SLC4A8: variants seen among roughly 807,000 people sequenced by gnomAD.
SLC4A8 encodes the protein electroneutral sodium bicarbonate exchanger 1.
In SLC4A8, 40 loss-of-function variants were observed where a neutral mutation model predicts 125.0. The observed-to-expected ratio is 0.32, with a 90% CI of 0.25 to 0.42. The LOEUF (loss-of-function observed/expected upper bound fraction) is 0.42. SLC4A8 is among the 10% of genes least tolerant of loss of function. The pLI is 1.00. For synonymous variants in SLC4A8, 456 were observed against 476.0 expected (o/e 0.96, Z 0.55); for missense variants, 863 against 1,355.1 (o/e 0.64, Z 5.70).
intron 19 of SLC4A8, among the ~76,000 whole-genome samples, chr12:51,490,897 A>G (rs1476879701): frequency 6.6e-6 from 1 of 152,234 alleles, no homozygotes; most frequent in Non-Finnish European, 1.5e-5. Flanking sequence ...AGAAGCAGAC[A>G]GACCAGTGAA....
chr12:51,451,018 C>G lies in SLC4A8; in HGVS notation c.273C>G (p.Ala91=), dbSNP rs1049192192. ...SQGEEGLEAL[A]HDTPSQRVQF... ...GGGAGGAAGGCCTGGAAGCCCTGGCCCACGGTAAGGGCCTTGGGAGACAGG... is the reference window on the plus strand; with the variant it reads ...GGGAGGAAGGCCTGGAAGCCCTGGCGCACGGTAAGGGCCTTGGGAGACAGG... Residue 91 remains alanine (A), a synonymous_variant, in exon 3 of 25, where the codon GCC becomes GCG. Transcript: ENST00000453097. The G allele has an allele frequency of 1.3e-6, 2 of 1,516,186 alleles. No individual in the cohort carries two copies. The highest frequency in any genetic ancestry group is 2.2e-5 in the Admixed American group (1 of 45,334). 93.9% of individuals were successfully genotyped at this position (1,516,186 alleles called of 1,614,324 possible).
In SLC4A8 at chr12:51,424,964, G is replaced by A; in HGVS notation, c.-24G>A. On this transcript the variant is annotated 5_prime_UTR_variant, in exon 1 of 25. Transcript: ENST00000453097. ...GCTGATGCTTGGCTTGGAGCCCGTGGGGGAGACCTAGTTCGGCTCCGCCAT... is the reference window on the plus strand; with the variant it reads ...GCTGATGCTTGGCTTGGAGCCCGTGAGGGAGACCTAGTTCGGCTCCGCCAT... 7 of 1,550,896 alleles carry A rather than the reference G, an allele frequency of 4.5e-6. No individual in the cohort carries two copies. The highest frequency in any genetic ancestry group is 6.1e-6 in the Non-Finnish European group (7 of 1,147,198).
chr12:51,411,248 G>A (rs183117117), intron 1 of SLC4A8, among the ~76,000 whole-genome samples: 1 of 151,692 alleles, frequency 6.6e-6, no homozygotes, highest in East Asian at 1.9e-4. Flanking sequence ...ATGCTCTATT[G>A]CTTTTCAATT....
intron 1 of SLC4A8, among the ~76,000 whole-genome samples, chr12:51,439,848 A>G (rs1949538150): frequency 6.6e-6 from 1 of 152,208 alleles, no homozygotes; most frequent in Non-Finnish European, 1.5e-5. Flanking sequence ...ATTGGTAGGA[A>G]TAAACAAATG....
chr12:51,442,979 G>A (rs1949650209), intron 2 of SLC4A8, among the ~76,000 whole-genome samples: 1 of 151,974 alleles, frequency 6.6e-6, no homozygotes, highest in South Asian at 2.1e-4. Flanking sequence ...AGGTTCTGTG[G>A]CTGCAAAAAA....
intron 22 of SLC4A8, among the ~76,000 whole-genome samples, chr12:51,503,660 A>AT (rs1432185621): frequency 6.6e-5 from 10 of 152,094 alleles, no homozygotes; most frequent in African/African-American, 2.2e-4. Flanking sequence ...TTCCCTTTCC[A>AT]TTTTTTTAAA....
At chr12:51,457,629 T>A (rs1950194887) in intron 6 of SLC4A8, 90 bp downstream of exon 6, 1 of 1,206,452 alleles carries the variant, frequency 8.3e-7, no homozygotes, top group Admixed American at 2.1e-5. Flanking sequence ...GGGGCTGTAT[T>A]TGTCTAATAT....
intron 9 of SLC4A8, chr12:51,461,515 G>A: frequency 2.5e-6 from 1 of 407,468 alleles, no homozygotes; most frequent in Non-Finnish European, 4.4e-6. Context: ...CAAGAATGCA[G>A]AGAAATCTTT....
intron 22 of SLC4A8, among the ~76,000 whole-genome samples, chr12:51,499,493 T>C (rs560821961): frequency 7.9e-5 from 12 of 152,260 alleles, no homozygotes; most frequent in Non-Finnish European, 1.3e-4. Context: ...TGGTCACTGT[T>C]CCAGATACAG....
chr12:51,444,440 C>T (rs566277317), intron 2 of SLC4A8, among the ~76,000 whole-genome samples: 1 of 152,266 alleles, frequency 6.6e-6, no homozygotes, highest in East Asian at 1.9e-4. Context: ...AAAAGACAGG[C>T]ATTGCGATTG....
At chr12:51,448,366 G>C (rs2138171440) in intron 2 of SLC4A8, among the ~76,000 whole-genome samples, 1 of 152,308 alleles carries the variant, frequency 6.6e-6, no homozygotes. Context: ...GAAATTGAGA[G>C]AATGACAAGG....
chr12:51,430,704 G>A (rs1477661626), intron 1 of SLC4A8, among the ~76,000 whole-genome samples: 1 of 152,184 alleles, frequency 6.6e-6, no homozygotes, highest in Non-Finnish European at 1.5e-5. Context: ...CTTAGCTCAT[G>A]GTTTGCCTTG....
rs145009797 is a variant in SLC4A8 at position 51,497,176 on chromosome 12, T to C, written c.3081+52T>C. On this transcript the variant is annotated intron_variant, in intron 22 of 24. Transcript: ENST00000453097. Reference sequence around the variant, plus strand: ...CCTGGGGGCCTCAAATTACAGAACATAGGAAGGGTCATGTGAAAAGTCAGC... The same window carrying C: ...CCTGGGGGCCTCAAATTACAGAACACAGGAAGGGTCATGTGAAAAGTCAGC... 857 of 1,551,564 alleles carry C rather than the reference T, an allele frequency of 5.5e-4. 2 individuals are homozygous for C. The African/African-American group carries it at 0.01, about 19-fold the overall frequency.
In SLC4A8 at chr12:51,509,436, T is replaced by C. The variant is rs984948086; in HGVS notation, c.*1998T>C. On this transcript the variant is annotated 3_prime_UTR_variant, in exon 25 of 25. Coordinates refer to ENST00000453097, the MANE Select transcript of SLC4A8 (RefSeq NM_001039960.3). The stretch of plus-strand genomic sequence containing the variant: ...AAGGCAGCCCATCTGGAGGATAAGC[T>C]TTCTTGCAGACTTTTCCCTTGTCCC... 12 of 152,252 alleles carry C rather than the reference T, an allele frequency of 7.9e-5. No individual in the cohort carries two copies. The highest frequency in any genetic ancestry group is 2.7e-4 in the African/African-American group (11 of 41,472). The allele number at this position is 152,252 out of a possible 1,614,324, so 9.4% of individuals were successfully genotyped here.
Position 51,511,614 on chromosome 12 carries a change from C to T in SLC4A8, c.*4176C>T, listed in dbSNP as rs1352929546. The T allele has an allele frequency of 1.3e-5, 2 of 152,238 alleles. No individual in the cohort carries two copies. The highest frequency in any genetic ancestry group is 4.8e-5 in the African/African-American group (2 of 41,436). 9.4% of individuals were successfully genotyped at this position (152,238 alleles called of 1,614,324 possible). On this transcript the variant is annotated 3_prime_UTR_variant, in exon 25 of 25. Transcript: ENST00000453097. ...ATGTTGGCCAGGCTGGTCTGAAACT[C>T]CTGGCCTCAGGTGATCCACCCACCT... is the stretch of plus-strand genomic sequence containing the variant.
chr12:51,450,037 A>G (rs1391968697), intron 2 of SLC4A8, among the ~76,000 whole-genome samples: 2 of 152,116 alleles, frequency 1.3e-5, no homozygotes, highest in African/African-American at 4.8e-5. Flanking sequence ...TCAAGAAGAA[A>G]AAGAAGAAAT....
chr12:51,492,508 A>G (rs955037853), intron 19 of SLC4A8, among the ~76,000 whole-genome samples: 1 of 152,142 alleles, frequency 6.6e-6, no homozygotes, highest in African/African-American at 2.4e-5. Context: ...CTTCTCCAAG[A>G]TAGAACCATG....
intron 22 of SLC4A8, among the ~76,000 whole-genome samples, chr12:51,499,535 A>G (rs1937748309): frequency 6.6e-6 from 1 of 151,760 alleles, no homozygotes; most frequent in Non-Finnish European, 1.5e-5. Context: ...TCCCTGACCG[A>G]CCACATGGAG....
chr12:51,476,326 C>G (rs1383288147), intron 16 of SLC4A8, among the ~76,000 whole-genome samples: 5 of 151,924 alleles, frequency 3.3e-5, no homozygotes, highest in Admixed American at 2.0e-4. Flanking sequence ...ACTAAAAAAA[C>G]AAAAGTTAGT....
Sources: allele counts gnomAD v4.1 joint callset (sites outside exome capture counted in the v4.1 genomes callset), GRCh38; gene constraint gnomAD v4.1.1; transcripts MANE v1.5; gene names NCBI Gene and HGNC (gene_info 2026-07-23, HGNC 2026-07-21).